The following AMPH variants were observed in gnomAD, a reference collection of about 807,000 sequenced individuals.
AMPH encodes the protein amphiphysin, also known as amphiphysin (Stiff-Mann syndrome with breast cancer 128kD autoantigen).
A neutral mutation model predicts 99.1 loss-of-function variants in AMPH; 49 were observed. The observed-to-expected ratio is 0.49, with a 90% confidence interval of 0.39 to 0.63. The LOEUF is 0.63. Among genes scored for constraint, AMPH ranks in the 20% least tolerant of loss-of-function variants. AMPH has a pLI of 0.00. For synonymous variants in AMPH, 314 were observed against 317.3 expected, an observed-to-expected ratio of 0.99 and a Z score of 0.11; for missense variants, 759 against 863.4, an observed-to-expected ratio of 0.88 and a Z score of 1.52.
chr7:38,468,999 A>G lies in AMPH; in HGVS notation c.591-2751T>C, dbSNP rs996112314. ...GAAACCCCGTCTCTACTAAAAATAC[A>G]AAAAATTAGCCGGGCGTAGTGGCGG... On this transcript the variant is annotated intron_variant, in intron 7 of 20. Transcript: ENST00000356264. 1.7e-5 allele frequency among the ~76,000 whole-genome samples: 2 copies of G among 117,418 alleles called. 1 individual carries two copies. Among genetic ancestry groups the G allele is most frequent in the African/African-American group, 6.9e-5 (2 of 28,790 alleles). The allele number at this position is 117,418 out of a possible 152,430, so 77.0% of individuals were successfully genotyped here.
chr7:38,399,606 A>G (rs1784785650), intron 17 of AMPH, among the ~76,000 whole-genome samples: 1 of 152,224 alleles, frequency 6.6e-6, no homozygotes, highest in South Asian at 2.1e-4. Context: ...AGAGCTATAA[A>G]AGAAAAAACA....
At chr7:38,386,093 A>G (rs1232421100) in intron 20 of AMPH, among the ~76,000 whole-genome samples, 1 of 152,108 alleles carries the variant, frequency 6.6e-6, no homozygotes, top group East Asian at 1.9e-4. Context: ...GACAAGAAAT[A>G]TAAGTATTTA....
chr7:38,389,446 T>G (rs1784429389), intron 20 of AMPH, among the ~76,000 whole-genome samples: 1 of 152,178 alleles, frequency 6.6e-6, no homozygotes, highest in Non-Finnish European at 1.5e-5. Context: ...CCCAGGTTCT[T>G]TCCTCATCAA....
chr7:38,393,807 A>G (rs1356919676), intron 18 of AMPH, among the ~76,000 whole-genome samples, 198 bp downstream of exon 18: 1 of 152,148 alleles, frequency 6.6e-6, no homozygotes, highest in Non-Finnish European at 1.5e-5. Context: ...GAGGGCCTAT[A>G]TGCAACATTG....
intron 17 of AMPH, among the ~76,000 whole-genome samples, chr7:38,411,395 T>C (rs1425290049): frequency 6.6e-6 from 1 of 152,190 alleles, no homozygotes; most frequent in African/African-American, 2.4e-5. Flanking sequence ...GGCAACTTGC[T>C]GGGGAAAAGG....
intron 13 of AMPH, chr7:38,430,096 A>G: frequency 1.9e-6 from 1 of 520,792 alleles, no homozygotes; most frequent in Non-Finnish European, 3.4e-6. Flanking sequence ...TTCACTTTCT[A>G]GCATCAGCAA....
intron 11 of AMPH, among the ~76,000 whole-genome samples, chr7:38,456,501 T>C (rs1240377059): frequency 7.2e-5 from 11 of 152,182 alleles, no homozygotes; most frequent in Non-Finnish European, 1.6e-4. Flanking sequence ...TGTTGGCACC[T>C]GAATATTCCT....
At chr7:38,389,189 T>C (rs1193381672) in intron 20 of AMPH, among the ~76,000 whole-genome samples, 2 of 152,228 alleles carry the variant, frequency 1.3e-5, no homozygotes, top group Non-Finnish European at 2.9e-5. Context: ...ATGCATTTAC[T>C]TGCTCTGCAT....
chr7:38,620,392 G>A (rs1037522920), intron 1 of AMPH, among the ~76,000 whole-genome samples: 3 of 146,294 alleles, frequency 2.1e-5, no homozygotes, highest in Non-Finnish European at 4.5e-5. Flanking sequence ...GAAGCAGGAT[G>A]TCTTACACAG....
chr7:38,565,341 G>A (rs984631834), intron 1 of AMPH, among the ~76,000 whole-genome samples: 9 of 152,130 alleles, frequency 5.9e-5, no homozygotes, highest in Non-Finnish European at 1.0e-4. Context: ...CACAGACTGG[G>A]TGGCTTAAAA....
Position 38,613,086 on chromosome 7 carries a change from C to T in AMPH, c.69+18197G>A, listed in dbSNP as rs1441501124. Reference sequence around the variant, plus strand: ...ATCATTTTCTGCATTTTGCTAAAGTCGAAACATTGGTTCAGAGAGACTTGA... The same window carrying T: ...ATCATTTTCTGCATTTTGCTAAAGTTGAAACATTGGTTCAGAGAGACTTGA... On this transcript the variant is annotated intron_variant, in intron 1 of 20. Coordinates refer to ENST00000356264, the MANE Select transcript of AMPH (RefSeq NM_001635.4). 2.6e-5 allele frequency among the ~76,000 whole-genome samples: 4 copies of T among 152,168 alleles called. No homozygotes were observed. In the East Asian group the frequency reaches 7.7e-4, roughly 29 times the overall value.
Position 38,414,971 on chromosome 7 carries a change from A to G in AMPH, c.1398+2854T>C, listed in dbSNP as rs149339337. Among the ~76,000 whole-genome samples the G allele has an allele frequency of 5.5e-3, 836 of 151,990 alleles. 3 individuals are homozygous for G. Among genetic ancestry groups the G allele is most frequent in the Non-Finnish European group, 9.6e-3 (652 of 67,960 alleles). ...GAGCCACCACACCTGGCCCCAAATC[A>G]TTTTTTTTCTAACAAATATTTTCAT... On this transcript the variant is annotated intron_variant, in intron 17 of 20. Transcript: ENST00000356264.
intron 2 of AMPH, 83 bp downstream of exon 2, chr7:38,534,848 A>T: frequency 5.0e-6 from 6 of 1,190,736 alleles, no homozygotes; most frequent in Admixed American, 2.0e-5. Flanking sequence ...TCTTTTTTTA[A>T]TCTTAATGCA....
chr7:38,412,385 A>G (rs535446561), intron 17 of AMPH, among the ~76,000 whole-genome samples: 4 of 152,348 alleles, frequency 2.6e-5, no homozygotes, highest in African/African-American at 9.6e-5. Context: ...CTCTGAATAA[A>G]CAATGACATT....
At chr7:38,505,268 T>C (rs1288460779) in intron 2 of AMPH, among the ~76,000 whole-genome samples, 1 of 152,212 alleles carries the variant, frequency 6.6e-6, no homozygotes, top group Non-Finnish European at 1.5e-5. Context: ...CATATAACAC[T>C]TGCATTGTGC....
intron 15 of AMPH, among the ~76,000 whole-genome samples, chr7:38,423,479 T>C (rs955414279): frequency 2.6e-5 from 4 of 152,234 alleles, no homozygotes; most frequent in Non-Finnish European, 4.4e-5. Context: ...TGGTTGAAGA[T>C]GGTGTTTTGA....
chr7:38,461,521 T>C (rs1290832583), intron 10 of AMPH, 110 bp from the exon 11 acceptor site: 1 of 1,301,110 alleles, frequency 7.7e-7, no homozygotes, highest in Non-Finnish European at 1.1e-6. Flanking sequence ...GATTGAAACT[T>C]GTATCTGCAT....
intron 17 of AMPH, among the ~76,000 whole-genome samples, chr7:38,400,151 C>G (rs1015299435): frequency 6.6e-6 from 1 of 152,220 alleles, no homozygotes; most frequent in South Asian, 2.1e-4. Flanking sequence ...TCTTGGCTCA[C>G]TGCAACCTCC....
chr7:38,610,713 C>A (rs1026610278), intron 1 of AMPH, among the ~76,000 whole-genome samples: 1 of 152,026 alleles, frequency 6.6e-6, no homozygotes, highest in Non-Finnish European at 1.5e-5. Flanking sequence ...TTGGAAGAGA[C>A]ACATTTTAAA....
Sources: gnomAD v4.1 joint callset for allele counts (sites outside exome capture counted in the v4.1 genomes callset) on GRCh38, gnomAD v4.1.1 for gene constraint, MANE v1.5 for transcripts, NCBI Gene and HGNC (gene_info 2026-07-23, HGNC 2026-07-21) for gene names.